The following FMNL2 variants were observed in gnomAD, a reference collection of about 807,000 sequenced individuals.
FMNL2 encodes formin like 2.
In FMNL2, 51 loss-of-function variants were observed where a neutral mutation model predicts 130.2. The observed-to-expected ratio is 0.39, with a 90% CI of 0.31 to 0.49. FMNL2 has a LOEUF of 0.49. FMNL2 is among the 20% of genes least tolerant of loss of function. The pLI is 0.85. For synonymous variants in FMNL2, 465 were observed against 467.1 expected (o/e 1.00, Z 0.06); for missense variants, 977 against 1,316.2 (o/e 0.74, Z 3.99).
At chr2:152,394,168 C>G (rs1383160446) in intron 1 of FMNL2, among the ~76,000 whole-genome samples, 1 of 152,102 alleles carries the variant, frequency 6.6e-6, no homozygotes, top group Non-Finnish European at 1.5e-5. Context: ...AAATTTCTGA[C>G]CATTTTTGTC....
chr2:152,442,939 A>C (rs1472859614), intron 1 of FMNL2, among the ~76,000 whole-genome samples: 2 of 152,218 alleles, frequency 1.3e-5, no homozygotes, highest in Non-Finnish European at 2.9e-5. Context: ...TCCCAGGTGC[A>C]GTCTGAAGAT....
At chr2:152,584,020 A>G (rs915406382) in intron 9 of FMNL2, among the ~76,000 whole-genome samples, 2 of 152,196 alleles carry the variant, frequency 1.3e-5, no homozygotes, top group Non-Finnish European at 2.9e-5. Flanking sequence ...CTTGAGGTGC[A>G]AAAGGTGTTA....
intron 1 of FMNL2, among the ~76,000 whole-genome samples, chr2:152,506,107 G>C (rs36108117): frequency 0.045 from 6,921 of 152,262 alleles, 499 homozygotes; most frequent in African/African-American, 0.15. Flanking sequence ...CTATGTGATA[G>C]CCTGGTTACA....
At chr2:152,500,978 C>T (rs539080338) in intron 1 of FMNL2, among the ~76,000 whole-genome samples, 3 of 152,346 alleles carry the variant, frequency 2.0e-5, no homozygotes, top group Admixed American at 6.5e-5. Context: ...CCGAGGCAGG[C>T]GCCACTCGGC....
At chr2:152,546,582 G>T (rs1216332939) in intron 3 of FMNL2, among the ~76,000 whole-genome samples, 2 of 152,108 alleles carry the variant, frequency 1.3e-5, no homozygotes, top group African/African-American at 2.4e-5. Context: ...AATATCCAAA[G>T]TATATCAGGG....
intron 9 of FMNL2, among the ~76,000 whole-genome samples, chr2:152,589,465 T>A (rs1003966931): frequency 2.0e-5 from 3 of 152,174 alleles, no homozygotes; most frequent in Non-Finnish European, 2.9e-5. Flanking sequence ...TCTTGGAAGA[T>A]AACGAGGAGA....
chr2:152,545,011 A>T (rs1320760070), intron 3 of FMNL2, among the ~76,000 whole-genome samples: 2 of 152,204 alleles, frequency 1.3e-5, no homozygotes, highest in Non-Finnish European at 2.9e-5. Context: ...GCCCTGGCCC[A>T]TGTGCGTTCA....
chr2:152,497,339 ATAGAG>A (rs1179780462), intron 1 of FMNL2, among the ~76,000 whole-genome samples: 1 of 150,250 alleles, frequency 6.7e-6, no homozygotes, highest in African/African-American at 2.5e-5. Context: ...TAGTGTTAGA[ATAGAG>A]TACTGTTTTC....
chr2:152,378,295 T>G (rs1684281530), intron 1 of FMNL2, among the ~76,000 whole-genome samples: 1 of 152,186 alleles, frequency 6.6e-6, no homozygotes, highest in Non-Finnish European at 1.5e-5. Context: ...TTGAGTTTGC[T>G]CTAAGTAATG....
At chr2:152,580,875 C>A in intron 8 of FMNL2, 81 bp from the exon 9 acceptor site, 2 of 1,255,612 alleles carry the variant, frequency 1.6e-6, no homozygotes, top group Non-Finnish European at 2.3e-6. Context: ...GTTTTATTCT[C>A]ATGTATCTTG....
chr2:152,461,322 G>A (rs1448542315), intron 1 of FMNL2, among the ~76,000 whole-genome samples: 1 of 151,662 alleles, frequency 6.6e-6, no homozygotes, highest in African/African-American at 2.4e-5. Context: ...ATTCCAACAT[G>A]TAATCAATAT....
intron 25 of FMNL2, chr2:152,643,417 A>T: frequency 3.9e-6 from 6 of 1,536,042 alleles, no homozygotes; most frequent in Non-Finnish European, 4.4e-6. Flanking sequence ...TTTTCAATGC[A>T]GTGCTGAAGA....
chr2:152,623,773 A>C (rs73011918), intron 15 of FMNL2, among the ~76,000 whole-genome samples: 2,538 of 152,100 alleles, frequency 0.017, 78 homozygotes, highest in African/African-American at 0.058. Flanking sequence ...GTTTGGGAAG[A>C]CTTCTTTATG....
intron 13 of FMNL2, 108 bp from the exon 14 acceptor site, chr2:152,618,738 C>T: frequency 1.0e-6 from 1 of 954,508 alleles, no homozygotes; most frequent in Non-Finnish European, 1.5e-6. Context: ...AAAGAATTCC[C>T]ATTCATATGA....
intron 1 of FMNL2, among the ~76,000 whole-genome samples, chr2:152,395,244 A>G (rs564578225): frequency 8.5e-5 from 13 of 152,334 alleles, no homozygotes; most frequent in African/African-American, 2.4e-4. Context: ...CTGGGTTGCC[A>G]TGGTGCTGTG....
chr2:152,643,925 G>C (rs1345082683), intron 25 of FMNL2: 1 of 979,558 alleles, frequency 1.0e-6, no homozygotes, highest in Non-Finnish European at 1.2e-6. Context: ...TACCTAACAT[G>C]TATTAAGAAC....
At chr2:152,563,533 A>G (rs1695649056) in intron 6 of FMNL2, among the ~76,000 whole-genome samples, 1 of 152,184 alleles carries the variant, frequency 6.6e-6, no homozygotes, top group South Asian at 2.1e-4. Context: ...CATTGGATAT[A>G]GCATCTGTGA....
chr2:152,400,842 C>T (rs1448285539), intron 1 of FMNL2, among the ~76,000 whole-genome samples: 7 of 152,224 alleles, frequency 4.6e-5, no homozygotes, highest in Non-Finnish European at 8.8e-5. Context: ...GGGGGGCAGT[C>T]ACCCATAGTT....
At chr2:152,444,079 C>T (rs1484254092) in intron 1 of FMNL2, among the ~76,000 whole-genome samples, 1 of 151,998 alleles carries the variant, frequency 6.6e-6, no homozygotes, top group African/African-American at 2.4e-5. Context: ...AGGCAGCCAG[C>T]AATGGGTTAG....
Sources: gnomAD v4.1 joint callset for allele counts (sites outside exome capture counted in the v4.1 genomes callset) on GRCh38, gnomAD v4.1.1 for gene constraint, MANE v1.5 for transcripts, NCBI Gene and HGNC (gene_info 2026-07-23, HGNC 2026-07-21) for gene names.